The following MECOM variants were observed in gnomAD, a reference collection of about 807,000 sequenced individuals.
MECOM encodes the protein histone-lysine N-methyltransferase MECOM.
Under a neutral mutation model 116.3 loss-of-function variants are expected in MECOM, and 13 were observed. The observed-to-expected ratio is 0.11, with a 90% CI of 0.07 to 0.18. MECOM has a LOEUF of 0.18. MECOM is among the 10% of genes least tolerant of loss of function. MECOM has a pLI of 1.00. For synonymous variants in MECOM, 528 were observed against 535.2 expected, an observed-to-expected ratio of 0.99 and a Z score of 0.19; for missense variants, 1,299 against 1,509.0, an observed-to-expected ratio of 0.86 and a Z score of 2.31.
chr3:169,594,176 A>AAAAAAAAAAAAAAAAC (rs1553894631), intron 1 of MECOM, among the ~76,000 whole-genome samples: 15 of 139,810 alleles, frequency 1.1e-4, no homozygotes, highest in African/African-American at 3.1e-4. Flanking sequence ...AAAAAAAAAA[A>AAAAAAAAAAAAAAAAC]CACCTTTTCA....
intron 1 of MECOM, among the ~76,000 whole-genome samples, chr3:169,580,803 A>G (rs958543800): frequency 6.6e-6 from 1 of 152,192 alleles, no homozygotes; most frequent in Non-Finnish European, 1.5e-5. Flanking sequence ...GAGTCATCAC[A>G]TTTTGAGATT....
In MECOM at chr3:169,090,181, C is replaced by T. The variant is rs762016342; in HGVS notation, c.3220G>A (p.Asp1074Asn). Residue 1074 changes from aspartate (D) to asparagine (N), a missense_variant, in exon 15 of 17, where the codon GAC becomes AAC. By Grantham distance (23) the Asp-to-Asn change is conservative (BLOSUM62 1). Transcript: ENST00000651503. Reference protein sequence around the residue: ...EKALVTSQNSDLLDDEEVEDE... With the variant: ...EKALVTSQNSNLLDDEEVEDE... ...TCAACTTCTTCATCATCCAGCAAGTCTGAATTTTGACTGGTCACCAAAGCC... is the reference window on the plus strand; with the variant it reads ...TCAACTTCTTCATCATCCAGCAAGTTTGAATTTTGACTGGTCACCAAAGCC... 1 of 1,613,364 alleles carries T rather than the reference C, an allele frequency of 6.2e-7. No individual in the cohort carries two copies.
intron 2 of MECOM, among the ~76,000 whole-genome samples, chr3:169,200,694 C>T (rs1231527143): frequency 6.6e-6 from 1 of 152,000 alleles, no homozygotes; most frequent in Admixed American, 6.6e-5. Context: ...AAACATTATA[C>T]TAAAGATTAA....
chr3:169,570,088 G>C (rs1172636777), intron 1 of MECOM, among the ~76,000 whole-genome samples: 3 of 152,096 alleles, frequency 2.0e-5, no homozygotes, highest in Admixed American at 2.0e-4. Flanking sequence ...TAGATCGCTA[G>C]CCAGACTAAT....
chr3:169,458,928 G>A (rs1746972203), intron 1 of MECOM, among the ~76,000 whole-genome samples: 1 of 152,182 alleles, frequency 6.6e-6, no homozygotes, highest in South Asian at 2.1e-4. Context: ...GAATCATGGT[G>A]CAGCTCCAGC....
chr3:169,276,971 G>A (rs1042809676), intron 2 of MECOM, among the ~76,000 whole-genome samples: 3 of 150,640 alleles, frequency 2.0e-5, no homozygotes, highest in African/African-American at 7.4e-5. Flanking sequence ...ACTGCAAAAA[G>A]ACATACAACA....
chr3:169,458,231 T>C (rs898832776), intron 1 of MECOM, among the ~76,000 whole-genome samples: 3 of 152,234 alleles, frequency 2.0e-5, no homozygotes, highest in South Asian at 2.1e-4. Context: ...CTGCTAAAGA[T>C]GTAGTGCTGA....
intron 1 of MECOM, among the ~76,000 whole-genome samples, chr3:169,482,878 A>G (rs541089953): frequency 3.4e-4 from 52 of 152,340 alleles, no homozygotes; most frequent in African/African-American, 1.2e-3. Flanking sequence ...CGAAGCAGGG[A>G]CTTGCCAATA....
intron 1 of MECOM, among the ~76,000 whole-genome samples, chr3:169,598,616 G>T (rs139768842): frequency 6.6e-6 from 1 of 152,308 alleles, no homozygotes; most frequent in East Asian, 1.9e-4. Context: ...AACTAGCCAT[G>T]GGATCCTGAT....
At chr3:169,485,979 T>C (rs1429190242) in intron 1 of MECOM, among the ~76,000 whole-genome samples, 2 of 119,116 alleles carry the variant, frequency 1.7e-5, no homozygotes, top group African/African-American at 6.9e-5. Context: ...TATACATATA[T>C]ATATAGTATA....
At chr3:169,130,198 C>T (rs1734197434) in intron 4 of MECOM, among the ~76,000 whole-genome samples, 1 of 152,128 alleles carries the variant, frequency 6.6e-6, no homozygotes, top group African/African-American at 2.4e-5. Flanking sequence ...TTAACCTAAT[C>T]ATTAATATTA....
intron 1 of MECOM, among the ~76,000 whole-genome samples, chr3:169,625,173 T>A (rs1320580028): frequency 6.6e-6 from 1 of 152,204 alleles, no homozygotes; most frequent in East Asian, 1.9e-4. Flanking sequence ...ATTTGGCATG[T>A]GACAAATTAA....
At chr3:169,576,792 G>C (rs1329327047) in intron 1 of MECOM, among the ~76,000 whole-genome samples, 1 of 136,406 alleles carries the variant, frequency 7.3e-6, no homozygotes, top group Non-Finnish European at 1.5e-5. Flanking sequence ...TTCACTTCCT[G>C]TTTTACACAC....
intron 1 of MECOM, among the ~76,000 whole-genome samples, chr3:169,457,941 C>T (rs1027193492): frequency 2.0e-5 from 3 of 152,220 alleles, no homozygotes; most frequent in African/African-American, 7.2e-5. Flanking sequence ...GATGACACCA[C>T]AGGTTTAATA....
At chr3:169,340,776 G>A (rs1264807991) in intron 2 of MECOM, among the ~76,000 whole-genome samples, 3 of 152,186 alleles carry the variant, frequency 2.0e-5, no homozygotes, top group Non-Finnish European at 4.4e-5. Flanking sequence ...CAGCTCCAAT[G>A]TGACAGCTCA....
In MECOM at chr3:169,096,668, T is replaced by G. The variant is rs1721601872; in HGVS notation, c.2850-1423A>C. 4.6e-5 allele frequency among the ~76,000 whole-genome samples: 7 copies of G among 152,162 alleles called. No individual in the cohort carries two copies. In the South Asian group the frequency reaches 1.5e-3, roughly 32 times the overall value. On this transcript the variant is annotated intron_variant, in intron 12 of 16. Coordinates refer to ENST00000651503, the MANE Select transcript of MECOM (RefSeq NM_004991.4). ...GGGCCCTTCTCCTCCCACTTCTGAA[T>G]GCAGAGTCAGTGGTTCAAGTGCTCT...
intron 1 of MECOM, among the ~76,000 whole-genome samples, chr3:169,532,652 G>T (rs1261146935): frequency 6.6e-6 from 1 of 152,158 alleles, no homozygotes; most frequent in African/African-American, 2.4e-5. Context: ...CACTGCTTCT[G>T]TGAAATCCAG....
At chr3:169,132,029 G>A (rs1004172189) in intron 3 of MECOM, 1 of 935,612 alleles carries the variant, frequency 1.1e-6, no homozygotes, top group African/African-American at 1.8e-5. Flanking sequence ...TGACATAAAG[G>A]ATCATGACAA....
chr3:169,593,349 A>G (rs547274669), intron 1 of MECOM, among the ~76,000 whole-genome samples: 1 of 152,374 alleles, frequency 6.6e-6, no homozygotes, highest in African/African-American at 2.4e-5. Flanking sequence ...GGAGCTAACA[A>G]ACTAAATTCC....
Sources: allele counts gnomAD v4.1 joint callset (sites outside exome capture counted in the v4.1 genomes callset), GRCh38; gene constraint gnomAD v4.1.1; transcripts MANE v1.5; gene names NCBI Gene and HGNC (gene_info 2026-07-23, HGNC 2026-07-21).